The following PRICKLE1 variants were observed in gnomAD, a reference collection of about 807,000 sequenced individuals.
PRICKLE1 encodes prickle-like protein 1.
A neutral mutation model predicts 70.2 loss-of-function variants in PRICKLE1; 14 were observed. That is an observed-to-expected ratio of 0.20 (90% CI 0.13 to 0.31). The LOEUF is 0.31. Among genes scored for constraint, PRICKLE1 ranks in the 10% least tolerant of loss-of-function variants. The pLI is 1.00. For synonymous variants in PRICKLE1, 357 were observed against 379.9 expected, an observed-to-expected ratio of 0.94 and a Z score of 0.70; for missense variants, 821 against 1,026.2, an observed-to-expected ratio of 0.80 and a Z score of 2.73.
chr12:42,570,603 A>C (rs1235163185), intron 1 of PRICKLE1, among the ~76,000 whole-genome samples: 2 of 152,130 alleles, frequency 1.3e-5, no homozygotes, highest in Non-Finnish European at 2.9e-5. Context: ...GTGGATCACC[A>C]GACGTCGGGA....
chr12:42,515,240 ATTT>A (rs11360372), intron 1 of PRICKLE1, among the ~76,000 whole-genome samples: 2 of 138,682 alleles, frequency 1.4e-5, no homozygotes, highest in Non-Finnish European at 3.1e-5. Flanking sequence ...GGCATTATCT[ATTT>A]TTTTTTTTTT....
At chr12:42,529,123 A>G (rs1244702908) in intron 1 of PRICKLE1, among the ~76,000 whole-genome samples, 1 of 152,210 alleles carries the variant, frequency 6.6e-6, no homozygotes, top group Non-Finnish European at 1.5e-5. Flanking sequence ...TAAGTAAATG[A>G]CAGGCTTTCA....
At chr12:42,525,415 G>A (rs1019942721) in intron 1 of PRICKLE1, among the ~76,000 whole-genome samples, 2 of 152,180 alleles carry the variant, frequency 1.3e-5, no homozygotes, top group South Asian at 4.1e-4. Flanking sequence ...CCCCAATATA[G>A]AGCTGGTCAG....
intron 1 of PRICKLE1, among the ~76,000 whole-genome samples, chr12:42,506,238 A>T (rs1013574229): frequency 1.2e-4 from 17 of 144,026 alleles, no homozygotes; most frequent in Admixed American, 2.3e-4. Context: ...ATAAGTAAAA[A>T]ATGTTCTTTT....
intron 1 of PRICKLE1, among the ~76,000 whole-genome samples, chr12:42,560,753 C>A (rs1301414842): frequency 1.4e-5 from 2 of 147,274 alleles, no homozygotes; most frequent in Admixed American, 1.4e-4. Flanking sequence ...CTTGGCAGGT[C>A]AAAAGCCCAT....
At chr12:42,470,952 T>C (rs1199800991) in intron 2 of PRICKLE1, among the ~76,000 whole-genome samples, 1 of 149,148 alleles carries the variant, frequency 6.7e-6, no homozygotes, top group Admixed American at 6.7e-5. Context: ...TTCCAAGGGG[T>C]CAGACAAGAG....
At chr12:42,460,770 C>G in intron 7 of PRICKLE1, 105 bp from the exon 8 acceptor site, 1 of 1,372,862 alleles carries the variant, frequency 7.3e-7, no homozygotes, top group South Asian at 1.2e-5. Context: ...AATTTCCAAT[C>G]TCAATATTTG....
chr12:42,566,295 G>A (rs1940620277), intron 1 of PRICKLE1, among the ~76,000 whole-genome samples: 2 of 152,158 alleles, frequency 1.3e-5, no homozygotes, highest in African/African-American at 4.8e-5. Flanking sequence ...GTGAAAATGA[G>A]AACAGGAGTT....
At chr12:42,573,226 CA>C (rs1592039914) in intron 1 of PRICKLE1, among the ~76,000 whole-genome samples, 1 of 152,080 alleles carries the variant, frequency 6.6e-6, no homozygotes, top group East Asian at 1.9e-4. Flanking sequence ...AATATTAGAG[CA>C]AAATAACAGA....
At chr12:42,580,961 A>T (rs1391018631) in intron 1 of PRICKLE1, among the ~76,000 whole-genome samples, 1 of 152,120 alleles carries the variant, frequency 6.6e-6, no homozygotes, top group East Asian at 1.9e-4. Flanking sequence ...TAAGGAAGGG[A>T]GGGAAAGGAA....
At chr12:42,571,858 TG>T (rs1448271813) in intron 1 of PRICKLE1, among the ~76,000 whole-genome samples, 3 of 152,222 alleles carry the variant, frequency 2.0e-5, no homozygotes, top group Non-Finnish European at 4.4e-5. Context: ...ACAAAGACTG[TG>T]GGTTACATCT....
At chr12:42,514,510 G>A (rs1418148820) in intron 1 of PRICKLE1, among the ~76,000 whole-genome samples, 4 of 152,014 alleles carry the variant, frequency 2.6e-5, no homozygotes, top group Admixed American at 1.3e-4. Flanking sequence ...TTTCACTAAT[G>A]CATGCAGACC....
At chr12:42,507,417 A>G (rs1372956847) in intron 1 of PRICKLE1, among the ~76,000 whole-genome samples, 4 of 152,126 alleles carry the variant, frequency 2.6e-5, no homozygotes, top group Admixed American at 6.5e-5. Flanking sequence ...ACATACCCTA[A>G]CTCACTGGGA....
intron 1 of PRICKLE1, among the ~76,000 whole-genome samples, chr12:42,556,321 C>A (rs11611916): frequency 1.3e-5 from 2 of 152,094 alleles, no homozygotes; most frequent in Non-Finnish European, 2.9e-5. Flanking sequence ...TTGCCCCATT[C>A]CATCACAAGA....
intron 1 of PRICKLE1, among the ~76,000 whole-genome samples, chr12:42,540,815 C>A (rs568615155): frequency 1.3e-4 from 20 of 152,278 alleles, no homozygotes; most frequent in Admixed American, 1.2e-3. Context: ...CCCACCTCAG[C>A]CTCCCAAAGT....
intron 1 of PRICKLE1, among the ~76,000 whole-genome samples, chr12:42,512,987 T>C (rs777397961): frequency 4.3e-4 from 65 of 151,788 alleles, no homozygotes; most frequent in Non-Finnish European, 8.2e-4. Context: ...TATTTTTATA[T>C]GTAGTTTCAC....
At chr12:42,470,630 G>A (rs1454142341) in intron 2 of PRICKLE1, among the ~76,000 whole-genome samples, 3 of 151,764 alleles carry the variant, frequency 2.0e-5, no homozygotes. Flanking sequence ...ACTCTTCCCG[G>A]TGGTGTGGCT....
intron 1 of PRICKLE1, among the ~76,000 whole-genome samples, chr12:42,537,060 G>A (rs1457580076): frequency 1.3e-5 from 2 of 151,670 alleles, no homozygotes; most frequent in Non-Finnish European, 2.9e-5. Flanking sequence ...TCCTATTTAG[G>A]TGTTGCTAAA....
chr12:42,543,585 C>T (rs1262225469), intron 1 of PRICKLE1, among the ~76,000 whole-genome samples: 2 of 152,022 alleles, frequency 1.3e-5, no homozygotes, highest in Non-Finnish European at 2.9e-5. Context: ...TGCAGTGGCG[C>T]GATCTTGGCT....
Sources: allele counts gnomAD v4.1 joint callset (sites outside exome capture counted in the v4.1 genomes callset), GRCh38; gene constraint gnomAD v4.1.1; transcripts MANE v1.5; gene names NCBI Gene and HGNC (gene_info 2026-07-23, HGNC 2026-07-21).